The following PPP2R2D variants were observed in gnomAD, a reference collection of about 807,000 sequenced individuals.
PPP2R2D encodes serine/threonine-protein phosphatase 2A 55 kDa regulatory subunit B delta isoform.
A neutral mutation model predicts 31.1 loss-of-function variants in PPP2R2D; 9 were observed. The observed-to-expected ratio is 0.29, with a 90% confidence interval of 0.17 to 0.51. PPP2R2D has a LOEUF of 0.51. Among genes scored for constraint, PPP2R2D ranks in the 20% least tolerant of loss-of-function variants. The pLI is 0.98. For synonymous variants in PPP2R2D, 179 were observed against 172.6 expected, an observed-to-expected ratio of 1.04 and a Z score of -0.29; for missense variants, 391 against 465.6, an observed-to-expected ratio of 0.84 and a Z score of 1.48.
At chr10:131,970,826 G>C in the PPP2R2D span, 1 of 1,614,242 alleles carries the variant, frequency 6.2e-7, no homozygotes, top group Non-Finnish European at 8.5e-7. This position sits in a 1 kb window ranked among gnomAD's most constrained non-coding sequence, Gnocchi z 4.1. Flanking sequence ...TGTGTCCTCT[G>C]TCAAGGGGTG....
At chr10:131,959,876 G>C (rs1368797931), downstream of PPP2R2D, 1 of 152,226 alleles carries the variant, frequency 6.6e-6, no homozygotes, top group African/African-American at 2.4e-5. Context: ...TCTTCCTCTA[G>C]AATGTATTTC....
intron 3 of PPP2R2D, among the ~76,000 whole-genome samples, chr10:131,937,189 G>A (rs541160865): frequency 9.8e-5 from 15 of 152,332 alleles, no homozygotes; most frequent in African/African-American, 2.6e-4. Context: ...ATAGAGGCCC[G>A]TTGGGAAGCT....
Position 131,953,669 on chromosome 10 carries a change from C to T in PPP2R2D, c.1083-2015C>T, listed in dbSNP as rs537806238. Among the ~76,000 whole-genome samples the T allele has an allele frequency of 5.4e-4, 49 of 90,780 alleles. 1 individual carries two copies. The highest frequency in any genetic ancestry group is 2.1e-3 in the African/African-American group (46 of 22,148). 59.6% of individuals were successfully genotyped at this position (90,780 alleles called of 152,430 possible). The stretch of plus-strand genomic sequence containing the variant: ...ACTGTCTTAGTGACTTCCAAGTGTG[C>T]GGGGGGTTCACTGTCTTAGCAGTGA... On this transcript the variant is annotated intron_variant, in intron 8 of 8. Coordinates refer to ENST00000455566, the MANE Select transcript of PPP2R2D (RefSeq NM_018461.5).
rs2036789623 is a variant in PPP2R2D, at chr10:131,956,002, T to G, written c.*39T>G. The stretch of plus-strand genomic sequence containing the variant: ...AGGACCAAGTCTTGTCTTGCATAGT[T>G]AAGCCGGACATTTTTCTGTCAGAGA... On this transcript the variant is annotated 3_prime_UTR_variant, in exon 9 of 9. Coordinates refer to ENST00000455566, the MANE Select transcript of PPP2R2D (RefSeq NM_018461.5). 1 of 1,397,100 alleles carries G rather than the reference T, an allele frequency of 7.2e-7. No homozygotes were observed. Among genetic ancestry groups the G allele is most frequent in the Non-Finnish European group, 9.4e-7 (1 of 1,064,796 alleles). The allele number at this position is 1,397,100 out of a possible 1,614,324, so 86.5% of individuals were successfully genotyped here. A position where few individuals can be genotyped will look rare whatever the true frequency, so the allele number is the denominator to read the frequency against.
At chr10:131,940,762 T>C in intron 5 of PPP2R2D, 68 bp downstream of exon 5, 1 of 709,814 alleles carries the variant, frequency 1.4e-6, no homozygotes, top group Non-Finnish European at 2.6e-6. Flanking sequence ...GTCTGCTGTC[T>C]GGAGAGTGCT....
At chr10:131,963,435 G>T (rs782345080), downstream of PPP2R2D, among the ~76,000 whole-genome samples, 1 of 152,222 alleles carries the variant, frequency 6.6e-6, no homozygotes, top group Non-Finnish European at 1.5e-5. Flanking sequence ...TTCTTGGGGG[G>T]TTACTTCCAG....
intron 2 of PPP2R2D, among the ~76,000 whole-genome samples, chr10:131,933,697 A>AT (rs879990257): frequency 3.5e-4 from 51 of 147,366 alleles, no homozygotes; most frequent in Middle Eastern, 3.6e-3. Context: ...CAGACCTGGG[A>AT]TTTTTTTTTT....
chr10:131,950,833 A>C (rs577044269), intron 8 of PPP2R2D, among the ~76,000 whole-genome samples: 1 of 152,200 alleles, frequency 6.6e-6, no homozygotes, highest in Non-Finnish European at 1.5e-5. Flanking sequence ...TTCTAAGCCT[A>C]AGACATCTTT....
At chr10:131,948,529 G>A (rs1402281603) in intron 8 of PPP2R2D, among the ~76,000 whole-genome samples, 2 of 152,196 alleles carry the variant, frequency 1.3e-5, no homozygotes, top group African/African-American at 2.4e-5. Context: ...TACAGCAGGT[G>A]TCTCTTCAGG....
Position 131,945,225 on chromosome 10 carries a change from C to G in PPP2R2D, c.656-70C>G. ...GCGTGGATTATTTGGCGTCCTATTT[C>G]GCGTGACTGAATGTAGACTAATTAA... On this transcript the variant is annotated intron_variant, in intron 6 of 8. Transcript: ENST00000455566. The surrounding 1 kb of genome is among the most constrained non-coding windows in gnomAD (Gnocchi z 4.8). The G allele has an allele frequency of 6.6e-7, 1 of 1,518,600 alleles. No homozygotes were observed. The highest frequency in any genetic ancestry group is 1.3e-5 in the South Asian group (1 of 79,890). 94.1% of individuals were successfully genotyped at this position (1,518,600 alleles called of 1,614,324 possible).
intron 3 of PPP2R2D, 184 bp from the exon 4 acceptor site, chr10:131,939,847 G>A (rs1469171537): frequency 8.1e-6 from 3 of 372,140 alleles, no homozygotes; most frequent in Non-Finnish European, 1.4e-5. Context: ...TGGAGTCGAA[G>A]AGTCGGAAAT....
chr10:131,952,059 G>T (rs1345696534), intron 8 of PPP2R2D, among the ~76,000 whole-genome samples: 1 of 145,904 alleles, frequency 6.9e-6, no homozygotes, highest in African/African-American at 2.5e-5. Context: ...CCAGTGACTT[G>T]CAGGGGGTCC....
At chr10:131,936,012 A>G (rs1231215384) in intron 3 of PPP2R2D, among the ~76,000 whole-genome samples, 1 of 151,626 alleles carries the variant, frequency 6.6e-6, no homozygotes, top group African/African-American at 2.4e-5. Flanking sequence ...GCGGTGAGCC[A>G]AGATCGTGCC....
chr10:131,938,521 C>T (rs918198163), intron 3 of PPP2R2D, among the ~76,000 whole-genome samples: 1 of 152,206 alleles, frequency 6.6e-6, no homozygotes, highest in Non-Finnish European at 1.5e-5. Context: ...GTTGTCCCCT[C>T]CCCATTTCAG....
chr10:131,937,908 G>A (rs1326914290), intron 3 of PPP2R2D, among the ~76,000 whole-genome samples: 1 of 152,156 alleles, frequency 6.6e-6, no homozygotes, highest in Non-Finnish European at 1.5e-5. Flanking sequence ...TGCAGCACAC[G>A]CGGGGCAGTC....
downstream of PPP2R2D, among the ~76,000 whole-genome samples, chr10:131,963,197 C>T (rs1327711953): frequency 6.6e-6 from 1 of 152,192 alleles, no homozygotes; most frequent in Non-Finnish European, 1.5e-5. Flanking sequence ...TTAAGTGTGT[C>T]TGTTCCAGGA....
At chr10:131,901,690 G>A (rs2035499888) in intron 2 of PPP2R2D, among the ~76,000 whole-genome samples, 1 of 152,210 alleles carries the variant, frequency 6.6e-6, no homozygotes, top group African/African-American at 2.4e-5. Flanking sequence ...CCGCGGCGGA[G>A]CCGGGGACGG....
At chr10:131,917,191 C>T (rs1554893275) in intron 2 of PPP2R2D, among the ~76,000 whole-genome samples, 4 of 133,570 alleles carry the variant, frequency 3.0e-5, no homozygotes, top group Admixed American at 7.7e-5. Flanking sequence ...TTTGTAGGGA[C>T]CTCAGGTGGG....
At chr10:131,905,890 C>T (rs1489747357) in intron 2 of PPP2R2D, among the ~76,000 whole-genome samples, 2 of 152,160 alleles carry the variant, frequency 1.3e-5, no homozygotes, top group Admixed American at 1.3e-4. Context: ...TTCTAAAGCT[C>T]GGTGAAAATC....
Sources: allele counts gnomAD v4.1 joint callset (sites outside exome capture counted in the v4.1 genomes callset), GRCh38; gene constraint gnomAD v4.1.1; non-coding constraint Gnocchi (gnomAD v3.1); transcripts MANE v1.5; gene names NCBI Gene and HGNC (gene_info 2026-07-23, HGNC 2026-07-21).